The following LRRC37A2 variants were observed in gnomAD, a reference collection of about 807,000 sequenced individuals.
The protein encoded by LRRC37A2 is leucine rich repeat containing 37 member A2, also known as leucine-rich repeat-containing protein 37A2.
A neutral mutation model predicts 68.8 loss-of-function variants in LRRC37A2; 9 were observed. That is an observed-to-expected ratio of 0.13 (90% CI 0.08 to 0.23). The LOEUF (loss-of-function observed/expected upper bound fraction) is 0.23. Ranked by LOEUF, LRRC37A2 falls within the 10% of genes least tolerant of loss-of-function variation. LRRC37A2 has a pLI of 1.00. For missense variants in LRRC37A2, 168 were observed against 950.4 expected, an observed-to-expected ratio of 0.18 and a Z score of 10.82; for synonymous variants, 63 against 367.6, an observed-to-expected ratio of 0.17 and a Z score of 9.48.
At chr17:46,956,750 G>A in the LRRC37A2 span, among the ~76,000 whole-genome samples, 1 of 152,182 alleles carries the variant, frequency 6.6e-6, no homozygotes, top group African/African-American at 2.4e-5. Context: ...AGTAGCCTGC[G>A]TGGCTGCCAG....
At chr17:46,931,425 C>G in the LRRC37A2 span, 1 of 580,578 alleles carries the variant, frequency 1.7e-6, no homozygotes, top group African/African-American at 1.9e-5. Context: ...CCTTGTGACC[C>G]CTTACCTCTT....
At chr17:47,011,603 G>A in the LRRC37A2 span, among the ~76,000 whole-genome samples, 1 of 149,974 alleles carries the variant, frequency 6.7e-6, no homozygotes, top group South Asian at 2.1e-4. Flanking sequence ...ATGAGGTCTT[G>A]GTATGTTTCC....
At chr17:46,809,992 T>TTTTC in the LRRC37A2 span, among the ~76,000 whole-genome samples, 19 of 149,614 alleles carry the variant, frequency 1.3e-4, no homozygotes, top group African/African-American at 3.2e-4. Context: ...TCCTCTCCTC[T>TTTTC]TTTCTTTCTT....
chr17:46,501,218 T>C, the LRRC37A2 span, among the ~76,000 whole-genome samples: 6 of 151,182 alleles, frequency 4.0e-5, no homozygotes, highest in Non-Finnish European at 7.3e-5. Flanking sequence ...CTCTGTTGCC[T>C]AGGCTGGAGG....
chr17:46,932,411 A>T, the LRRC37A2 span: 8 of 619,664 alleles, frequency 1.3e-5, no homozygotes, highest in Non-Finnish European at 2.0e-5. Flanking sequence ...AAGAGGAAGC[A>T]GTTAAATTGA....
At chr17:46,926,291 A>G in the LRRC37A2 span, among the ~76,000 whole-genome samples, 43 of 152,338 alleles carry the variant, frequency 2.8e-4, no homozygotes, top group South Asian at 5.8e-3. Context: ...ACAAACTTAC[A>G]TGATGCTGTG....
At chr17:46,884,996 CTTT>C in the LRRC37A2 span, 1 of 373,180 alleles carries the variant, frequency 2.7e-6, no homozygotes, top group South Asian at 2.1e-5. Context: ...ATTTCCTTAG[CTTT>C]TTTTTTTAGA....
chr17:46,874,007 A>AT, the LRRC37A2 span, among the ~76,000 whole-genome samples: 4 of 150,704 alleles, frequency 2.7e-5, no homozygotes, highest in African/African-American at 9.8e-5. Context: ...AAAAAAAAAA[A>AT]TGCAGTGATG....
the LRRC37A2 span, among the ~76,000 whole-genome samples, chr17:46,900,714 T>C: frequency 1.7e-3 from 265 of 152,370 alleles, 1 homozygote; most frequent in African/African-American, 6.2e-3. Flanking sequence ...GTGGGGAGAC[T>C]ATAATACTAG....
At chr17:46,771,443 G>A in the LRRC37A2 span, among the ~76,000 whole-genome samples, 1 of 150,386 alleles carries the variant, frequency 6.6e-6, no homozygotes, top group African/African-American at 2.4e-5. Flanking sequence ...TCTCGCGGCG[G>A]CAGCGGCGCC....
At chr17:46,849,306 T>C in the LRRC37A2 span, among the ~76,000 whole-genome samples, 695 of 152,352 alleles carry the variant, frequency 4.6e-3, 10 homozygotes, top group African/African-American at 0.016. Flanking sequence ...GTAACTTTCA[T>C]GAAATTTTGA....
At chr17:46,711,041 G>C in the LRRC37A2 span, 1 of 1,590,968 alleles carries the variant, frequency 6.3e-7, no homozygotes. Flanking sequence ...AGTTACTCGA[G>C]TTCTAGATGA....
chr17:46,635,576 A>G, the LRRC37A2 span, among the ~76,000 whole-genome samples: 2 of 95,450 alleles, frequency 2.1e-5, no homozygotes, highest in Non-Finnish European at 4.6e-5. Context: ...TTGACCCATG[A>G]TGTGTAGCAA....
the LRRC37A2 span, chr17:46,936,574 G>A: frequency 1.6e-5 from 16 of 985,550 alleles, no homozygotes; most frequent in African/African-American, 2.8e-4. Flanking sequence ...AAGGAACATA[G>A]GAGAGGGCAT....
the LRRC37A2 span, among the ~76,000 whole-genome samples, chr17:46,918,648 C>T: frequency 6.6e-6 from 1 of 150,982 alleles, no homozygotes; most frequent in Non-Finnish European, 1.5e-5. Context: ...CATACAATTT[C>T]CCAGAGCACT....
At chr17:46,767,230 G>T in the LRRC37A2 span, among the ~76,000 whole-genome samples, 24 of 152,128 alleles carry the variant, frequency 1.6e-4, no homozygotes, top group Admixed American at 1.5e-3. Context: ...GGAAGCTTGG[G>T]AACAAAATCC....
At chr17:46,935,005 C>CTT in the LRRC37A2 span, 1 of 1,609,056 alleles carries the variant, frequency 6.2e-7, no homozygotes, top group Non-Finnish European at 8.5e-7. Flanking sequence ...CAAAGTTAAT[C>CTT]AAGTGCCTGT....
the LRRC37A2 span, among the ~76,000 whole-genome samples, chr17:46,774,708 T>C: frequency 2.0e-5 from 3 of 152,178 alleles, no homozygotes; most frequent in Admixed American, 6.5e-5. Flanking sequence ...CTCTCTCAGG[T>C]TTTATAGTCA....
chr17:46,980,351 CCT>C, the LRRC37A2 span, among the ~76,000 whole-genome samples: 101 of 45,044 alleles, frequency 2.2e-3, no homozygotes, highest in African/African-American at 8.3e-3. Flanking sequence ...CTCCTTCCTT[CCT>C]TCTTCTTTCT....
Sources: gnomAD v4.1 joint callset for allele counts (sites outside exome capture counted in the v4.1 genomes callset) on GRCh38, gnomAD v4.1.1 for gene constraint, MANE v1.5 for transcripts, NCBI Gene and HGNC (gene_info 2026-07-23, HGNC 2026-07-21) for gene names.